Variants in ALK observed in about 807,000 individuals in gnomAD.
The protein encoded by ALK is ALK receptor tyrosine kinase, also known as ALK tyrosine kinase receptor.
In ALK, 74 loss-of-function variants were observed where a neutral mutation model predicts 163.1. That is an observed-to-expected ratio of 0.45 (90% CI 0.38 to 0.55). ALK has a LOEUF of 0.55. Among genes scored for constraint, ALK ranks in the 20% least tolerant of loss-of-function variants. The pLI, the probability that ALK is intolerant of heterozygous loss-of-function variation, is 0.00. For synonymous variants in ALK, 960 were observed against 843.2 expected, an observed-to-expected ratio of 1.14 and a Z score of -2.40; for missense variants, 2,063 against 2,105.3, an observed-to-expected ratio of 0.98 and a Z score of 0.39.
chr2:29,716,550 C>T (rs915336905), intron 2 of ALK, among the ~76,000 whole-genome samples: 1 of 152,124 alleles, frequency 6.6e-6, no homozygotes, highest in Non-Finnish European at 1.5e-5. Context: ...AAGGCAGCCT[C>T]CTGAGGGCTG....
intron 1 of ALK, among the ~76,000 whole-genome samples, chr2:29,774,128 C>A (rs773475500): frequency 1.3e-5 from 2 of 152,190 alleles, no homozygotes; most frequent in African/African-American, 2.4e-5. Flanking sequence ...ATAATGCTAT[C>A]TTTGGTGCTA....
In ALK at chr2:29,377,278, C is replaced by A. The variant is rs575291353; in HGVS notation, c.1282+6454G>T. On this transcript the variant is annotated intron_variant, in intron 5 of 28. Coordinates refer to ENST00000389048, the MANE Select transcript of ALK (RefSeq NM_004304.5). ...GATCACGAGGTCAGGAGTTCGAGACCAGCCTGACCAACATGGTGAAACCCC... is the reference window on the plus strand; with the variant it reads ...GATCACGAGGTCAGGAGTTCGAGACAAGCCTGACCAACATGGTGAAACCCC... Among the ~76,000 whole-genome samples the A allele has an allele frequency of 2.0e-5, 3 of 152,136 alleles. No homozygotes were observed. The South Asian group carries it at 6.2e-4, about 32-fold the overall frequency.
chr2:29,591,328 A>G (rs72861594), intron 3 of ALK, among the ~76,000 whole-genome samples: 17,702 of 152,124 alleles, frequency 0.12, 1,387 homozygotes, highest in African/African-American at 0.22. Context: ...AAGAAGTTCA[A>G]AGATTTAAAG....
At chr2:29,823,765 GCAGAGCATAAAAGTT>G (rs1380383412) in intron 1 of ALK, among the ~76,000 whole-genome samples, 1 of 152,172 alleles carries the variant, frequency 6.6e-6, no homozygotes, top group African/African-American at 2.4e-5. Context: ...TCATAAGGAA[GCAGAGCATAAAAGTT>G]CAGAAAATTT....
chr2:29,648,931 T>C (rs1055100373), intron 3 of ALK, among the ~76,000 whole-genome samples: 1 of 152,184 alleles, frequency 6.6e-6, no homozygotes, highest in African/African-American at 2.4e-5. Flanking sequence ...TGGCTGGGTA[T>C]GGAATTCTAA....
intron 23 of ALK, among the ~76,000 whole-genome samples, chr2:29,219,473 C>CA (rs1669726126): frequency 6.6e-6 from 1 of 152,206 alleles, no homozygotes; most frequent in Non-Finnish European, 1.5e-5. Context: ...CACTGGCTGT[C>CA]AGTCTTCCCT....
At chr2:29,832,111 T>G (rs1378572779) in intron 1 of ALK, among the ~76,000 whole-genome samples, 1 of 152,094 alleles carries the variant, frequency 6.6e-6, no homozygotes, top group Non-Finnish European at 1.5e-5. Flanking sequence ...CTCGTGGAAA[T>G]GGACAAACAA....
intron 4 of ALK, among the ~76,000 whole-genome samples, chr2:29,449,451 T>G (rs1284837459): frequency 6.6e-6 from 1 of 152,150 alleles, no homozygotes; most frequent in Non-Finnish European, 1.5e-5. Flanking sequence ...GCTTGGCAAA[T>G]TCATCACTAG....
intron 1 of ALK, among the ~76,000 whole-genome samples, chr2:29,917,970 G>T (rs754948274): frequency 6.6e-6 from 1 of 152,220 alleles, no homozygotes; most frequent in Non-Finnish European, 1.5e-5. Flanking sequence ...CTGAGGGAGG[G>T]CTTGGGATGC....
At chr2:29,506,273 A>T (rs928093467) in intron 4 of ALK, among the ~76,000 whole-genome samples, 1 of 152,142 alleles carries the variant, frequency 6.6e-6, no homozygotes, top group African/African-American at 2.4e-5. Context: ...ATATTATTCT[A>T]TCAAACAAGC....
intron 1 of ALK, among the ~76,000 whole-genome samples, chr2:29,763,183 T>G (rs1209676271): frequency 6.6e-6 from 1 of 152,066 alleles, no homozygotes; most frequent in East Asian, 1.9e-4. Context: ...TTGGTCGAGT[T>G]GTAAACCTTT....
chr2:29,572,463 G>A (rs916870965), intron 3 of ALK, among the ~76,000 whole-genome samples: 9 of 152,172 alleles, frequency 5.9e-5, no homozygotes, highest in African/African-American at 1.4e-4. Context: ...TCCTGAGCAC[G>A]CCTGGCTCTC....
intron 3 of ALK, among the ~76,000 whole-genome samples, chr2:29,553,692 T>C (rs1164698740): frequency 6.6e-6 from 1 of 152,232 alleles, no homozygotes; most frequent in East Asian, 1.9e-4. Context: ...TGCTTACCGA[T>C]GAGGCTTTAT....
chr2:29,586,997 G>T (rs1417855638), intron 3 of ALK, among the ~76,000 whole-genome samples: 1 of 152,172 alleles, frequency 6.6e-6, no homozygotes, highest in African/African-American at 2.4e-5. Flanking sequence ...TGAGGTGGGT[G>T]TACCCTTACC....
At chr2:29,426,748 A>T (rs528798594) in intron 4 of ALK, among the ~76,000 whole-genome samples, 2 of 152,168 alleles carry the variant, frequency 1.3e-5, no homozygotes, top group Non-Finnish European at 2.9e-5. Flanking sequence ...GGATTTAAAA[A>T]GCAGTTATAG....
intron 9 of ALK, among the ~76,000 whole-genome samples, chr2:29,283,451 G>T (rs1665765571): frequency 6.6e-6 from 1 of 152,182 alleles, no homozygotes; most frequent in African/African-American, 2.4e-5. Flanking sequence ...CTCTGTTGCT[G>T]TGTTGGCTTG....
intron 1 of ALK, among the ~76,000 whole-genome samples, chr2:29,762,504 G>C (rs1198695732): frequency 6.6e-6 from 1 of 152,144 alleles, no homozygotes; most frequent in Admixed American, 6.5e-5. Context: ...TGTAGCCCTT[G>C]GTCCATCTGA....
In ALK at chr2:29,496,251, C is replaced by T. The variant is rs1005377653; in HGVS notation, c.1154+35664G>A. 2.6e-5 allele frequency among the ~76,000 whole-genome samples: 4 copies of T among 152,216 alleles called. No homozygotes were observed. In the East Asian group the frequency reaches 5.8e-4, roughly 22 times the overall value. On this transcript the variant is annotated intron_variant, in intron 4 of 28. Coordinates refer to ENST00000389048, the MANE Select transcript of ALK (RefSeq NM_004304.5). ...CAGCTTTTTTGCTCATTGTTTATTA[C>T]ATCAGATCCAAGCTTATTTGTCAAA...
chr2:29,638,380 A>G (rs2879504), intron 3 of ALK, among the ~76,000 whole-genome samples: 109,907 of 152,018 alleles, frequency 0.72, 39,938 homozygotes, highest in Middle Eastern at 0.82. Flanking sequence ...CTACCCTAAC[A>G]AGGCTGTGGA....
Sources: gnomAD v4.1 joint callset for allele counts (sites outside exome capture counted in the v4.1 genomes callset) on GRCh38, gnomAD v4.1.1 for gene constraint, MANE v1.5 for transcripts, NCBI Gene and HGNC (gene_info 2026-07-23, HGNC 2026-07-21) for gene names.